Variants in NFIB observed in about 807,000 individuals in gnomAD.
NFIB encodes nuclear factor 1 B-type.
A neutral mutation model predicts 61.5 loss-of-function variants in NFIB; 11 were observed. The ratio of observed to expected loss-of-function variants is 0.18; its 90% CI spans 0.11 to 0.30. The LOEUF (loss-of-function observed/expected upper bound fraction) is 0.30. Among genes scored for constraint, NFIB ranks in the 10% least tolerant of loss-of-function variants. The probability of loss-of-function intolerance (pLI) is 1.00; values close to 1 mark genes in which losing one functional copy is unlikely to be tolerated. For missense variants in NFIB, 471 were observed against 608.9 expected (o/e 0.77, Z 2.38); for synonymous variants, 260 against 216.5 (o/e 1.20, Z -1.76).
At chr9:14,392,982 A>G (rs2133036690) in intron 1 of NFIB, among the ~76,000 whole-genome samples, 1 of 152,340 alleles carries the variant, frequency 6.6e-6, no homozygotes, top group Non-Finnish European at 1.5e-5. Flanking sequence ...GTTTTTACAA[A>G]TCAACGGTCT....
chr9:14,409,615 T>C, the NFIB span, among the ~76,000 whole-genome samples: 3 of 152,216 alleles, frequency 2.0e-5, no homozygotes, highest in Non-Finnish European at 4.4e-5. Flanking sequence ...GGCCAGCCAC[T>C]AGAATACTGT....
chr9:14,512,151 T>G, the NFIB span, among the ~76,000 whole-genome samples: 2 of 152,220 alleles, frequency 1.3e-5, no homozygotes, highest in African/African-American at 4.8e-5. Context: ...TTTCCCAAGA[T>G]GTCCCATGAG....
At chr9:14,185,460 T>C (rs1166629147) in intron 2 of NFIB, among the ~76,000 whole-genome samples, 2 of 152,178 alleles carry the variant, frequency 1.3e-5, no homozygotes, top group Non-Finnish European at 2.9e-5. Flanking sequence ...TCCTTGTGTG[T>C]CTCCTGCATT....
intron 4 of NFIB, among the ~76,000 whole-genome samples, chr9:14,155,350 T>C (rs1587107141): frequency 6.6e-6 from 1 of 152,148 alleles, no homozygotes; most frequent in Non-Finnish European, 1.5e-5. Context: ...TCTATCTATA[T>C]CCAACTACAA....
At chr9:14,417,336 G>A in the NFIB span, among the ~76,000 whole-genome samples, 10 of 152,322 alleles carry the variant, frequency 6.6e-5, no homozygotes, top group South Asian at 2.1e-3. Context: ...GGAGCAACAG[G>A]CTATACCACA....
At chr9:14,297,900 A>G (rs1334107837) in intron 2 of NFIB, among the ~76,000 whole-genome samples, 1 of 152,226 alleles carries the variant, frequency 6.6e-6, no homozygotes, top group African/African-American at 2.4e-5. Context: ...TTTAAAAATA[A>G]AATTATTTCA....
intron 2 of NFIB, among the ~76,000 whole-genome samples, chr9:14,184,043 C>T (rs540762255): frequency 1.5e-3 from 235 of 152,312 alleles, no homozygotes; most frequent in Non-Finnish European, 2.2e-3. Context: ...TCAATCCTTT[C>T]GTCCACTCCT....
chr9:14,293,855 C>A (rs577040858), intron 2 of NFIB, among the ~76,000 whole-genome samples: 1 of 152,198 alleles, frequency 6.6e-6, no homozygotes, highest in Admixed American at 6.5e-5. Flanking sequence ...AGTCTGACAG[C>A]CCAAACATGG....
In NFIB at chr9:14,184,434, C is replaced by G. The variant is rs147880095; in HGVS notation, c.563-4654G>C. On this transcript the variant is annotated intron_variant, in intron 2 of 10. Coordinates refer to ENST00000380953, the MANE Select transcript of NFIB (RefSeq NM_001190737.2). ...CTATTTTCTATATCTAAGTTGGAAG[C>G]AATTATTAGTATCACTGAACTCTAT... 2.1e-3 allele frequency among the ~76,000 whole-genome samples: 321 copies of G among 152,170 alleles called. 3 individuals are homozygous for G. The highest frequency in any genetic ancestry group is 7.4e-3 in the African/African-American group (307 of 41,516).
At position 14,094,130 on chromosome 9, in the gene NFIB, C is replaced by T. The variant is rs980123315; in HGVS notation, c.1468-5804G>A. ...AATTGTAGAAGGCAGGATTTGAATT[C>T]GAGCAATGTCATTCTAGGATCTGTA... is the stretch of plus-strand genomic sequence containing the variant. On this transcript the variant is annotated intron_variant, in intron 10 of 10. Transcript: ENST00000380953. 2.6e-5 allele frequency: 4 copies of T among 152,004 alleles called. No homozygotes were observed. In the East Asian group the frequency reaches 5.8e-4, roughly 22 times the overall value. The allele number at this position is 152,004 out of a possible 1,614,324, so 9.4% of individuals were successfully genotyped here.
chr9:14,301,245 T>C (rs1362834156), intron 2 of NFIB, among the ~76,000 whole-genome samples: 1 of 152,184 alleles, frequency 6.6e-6, no homozygotes, highest in East Asian at 1.9e-4. Flanking sequence ...TGACCGTCAC[T>C]CCTGTCACTG....
intron 10 of NFIB, among the ~76,000 whole-genome samples, chr9:14,093,806 A>T (rs1455607614): frequency 6.6e-6 from 1 of 152,070 alleles, no homozygotes; most frequent in Admixed American, 6.6e-5. Flanking sequence ...ATATAACACA[A>T]AGGCTGCAGA....
chr9:14,404,779 C>T, the NFIB span, among the ~76,000 whole-genome samples: 2 of 152,128 alleles, frequency 1.3e-5, no homozygotes, highest in African/African-American at 2.4e-5. Flanking sequence ...GATGGTGTGA[C>T]AGTAGCAGCA....
rs1237690787 is a variant in NFIB, at chr9:14,082,318, AACTG to A, written c.*5987_*5990del. 1 of 205,838 alleles carries A rather than the reference AACTG, an allele frequency of 4.9e-6. No individual in the cohort carries two copies. The highest frequency in any genetic ancestry group is 1.0e-5 in the Non-Finnish European group (1 of 100,448). 12.8% of individuals were successfully genotyped at this position (205,838 alleles called of 1,614,324 possible). On this transcript the variant is annotated 3_prime_UTR_variant, in exon 11 of 11. Transcript: ENST00000380953. ...CCCTGGTGTGTAGCTAGCAAGCAAT[AACTG>A]ACTACTCGTCACCTACAGTTGTACT...
chr9:14,277,521 G>C (rs1050908187), intron 2 of NFIB, among the ~76,000 whole-genome samples: 1 of 152,204 alleles, frequency 6.6e-6, no homozygotes, highest in South Asian at 2.1e-4. Context: ...TAGCGACAAT[G>C]GTCTAGTCTG....
Position 14,082,668 on chromosome 9 carries a change from G to GC in NFIB, c.*5640_*5641insG. ...GAGTTTTTTGGTAAACATTTTGCTG[G>GC]TTTTTTTTTTTTGTTTGTTTCTTTC... On this transcript the variant is annotated 3_prime_UTR_variant, in exon 11 of 11. Transcript: ENST00000380953. 5.9e-6 allele frequency: 1 copy of GC among 168,996 alleles called. No individual in the cohort carries two copies. Among genetic ancestry groups the GC allele is most frequent in the East Asian group, 1.0e-4 (1 of 9,948 alleles). The allele number at this position is 168,996 out of a possible 1,614,324, so 10.5% of individuals were successfully genotyped here. A position where few individuals can be genotyped will look rare whatever the true frequency, so the allele number is the denominator to read the frequency against.
intron 6 of NFIB, among the ~76,000 whole-genome samples, chr9:14,127,400 C>T (rs930921056): frequency 3.3e-5 from 5 of 152,156 alleles, no homozygotes; most frequent in Non-Finnish European, 2.9e-5. Context: ...TGAATCCTCA[C>T]GTACCGATAA....
intron 6 of NFIB, among the ~76,000 whole-genome samples, chr9:14,132,255 C>T (rs2130952532): frequency 6.6e-6 from 1 of 152,142 alleles, no homozygotes; most frequent in Middle Eastern, 3.4e-3. Context: ...GAAGTAAATT[C>T]CTTCAAAATG....
At chr9:14,272,157 C>T (rs549998142) in intron 2 of NFIB, among the ~76,000 whole-genome samples, 5 of 152,094 alleles carry the variant, frequency 3.3e-5, no homozygotes, top group African/African-American at 1.2e-4. Flanking sequence ...TTCCATTATA[C>T]GTTTTGAACA....
Sources: allele counts gnomAD v4.1 joint callset (sites outside exome capture counted in the v4.1 genomes callset), GRCh38; gene constraint gnomAD v4.1.1; transcripts MANE v1.5; gene names NCBI Gene and HGNC (gene_info 2026-07-23, HGNC 2026-07-21).